The following INSR variants were observed in gnomAD, a reference collection of about 807,000 sequenced individuals.
INSR encodes the protein IR.
A neutral mutation model predicts 142.6 loss-of-function variants in INSR; 67 were observed. That is an observed-to-expected ratio of 0.47 (90% CI 0.39 to 0.58). INSR has a LOEUF of 0.58. Ranked by LOEUF, INSR falls within the 20% of genes least tolerant of loss-of-function variation. The probability of loss-of-function intolerance (pLI) is 0.00; values close to 1 mark genes in which losing one functional copy is unlikely to be tolerated. For synonymous variants in INSR, 756 were observed against 743.1 expected (o/e 1.02, Z -0.28); for missense variants, 1,248 against 1,833.2 (o/e 0.68, Z 5.83).
At chr19:7,204,222 A>T (rs1975042251) in intron 2 of INSR, among the ~76,000 whole-genome samples, 1 of 150,300 alleles carries the variant, frequency 6.7e-6, no homozygotes, top group African/African-American at 2.5e-5. Flanking sequence ...TTTTTTTTTA[A>T]TTTTTTATTT....
At position 7,258,257 on chromosome 19, in the gene INSR, A is replaced by G. The variant is rs185339721; in HGVS notation, c.652+9088T>C. Among the ~76,000 whole-genome samples, 692 of 152,264 alleles carry G rather than the reference A, an allele frequency of 4.5e-3. 5 individuals carry two copies. The highest frequency in any genetic ancestry group is 0.016 in the African/African-American group (669 of 41,550). On this transcript the variant is annotated intron_variant, in intron 2 of 21. Transcript: ENST00000302850. ...TGAGACCAGCCTGGGCAACATAGCA[A>G]GACCCCATCTCTACTAAAAAAATAA...
At chr19:7,245,653 C>T (rs1460514430) in intron 2 of INSR, among the ~76,000 whole-genome samples, 3 of 151,994 alleles carry the variant, frequency 2.0e-5, no homozygotes, top group Non-Finnish European at 4.4e-5. Flanking sequence ...ACTGTGTTGG[C>T]CAGGCTGGTC....
chr19:7,197,442 G>A (rs1423269837), intron 2 of INSR, among the ~76,000 whole-genome samples: 29 of 152,306 alleles, frequency 1.9e-4, no homozygotes, highest in Admixed American at 1.9e-3. Context: ...GCAGAGGCCC[G>A]GAAGGAGGCG....
chr19:7,204,847 G>A (rs1014008032), intron 2 of INSR, among the ~76,000 whole-genome samples: 4 of 152,226 alleles, frequency 2.6e-5, no homozygotes, highest in Non-Finnish European at 5.9e-5. Context: ...TTGGGAGGCC[G>A]AGGCGGGCAG....
In INSR at chr19:7,138,025, G is replaced by A. The variant is rs1166610946; in HGVS notation, c.2682+3652C>T. ...GTCGCCCAGGCTGGAGTGCAGTGGC[G>A]TGATCTCGGCTCACTGCAAGCTCCA... On this transcript the variant is annotated intron_variant, in intron 13 of 21. Coordinates refer to ENST00000302850, the MANE Select transcript of INSR (RefSeq NM_000208.4). Among the ~76,000 whole-genome samples the A allele has an allele frequency of 4.1e-5, 6 of 146,828 alleles. 1 individual carries two copies. The South Asian group carries it at 6.5e-4, about 16-fold the overall frequency.
intron 4 of INSR, among the ~76,000 whole-genome samples, chr19:7,173,528 G>C (rs1974065757): frequency 6.7e-6 from 1 of 150,344 alleles, no homozygotes; most frequent in African/African-American, 2.5e-5. Flanking sequence ...CATGTTGGCT[G>C]GTCTCAAACT....
At position 7,172,379 on chromosome 19, in the gene INSR, C is replaced by G. The variant is rs140573575; in HGVS notation, c.1179G>C (p.Gly393=). The change falls in exon 5 of 22, where the codon GGG becomes GGC. Residue 393 remains glycine, a synonymous_variant. Transcript: ENST00000302850. ...ANLGLIEEIS[G]YLKIRRSYAL... ...CGTAGGATCGGCGGATTTTTAGATACCCTGAAATTTCTTCAATGAGGCCGA... is the reference window on the plus strand; with the variant it reads ...CGTAGGATCGGCGGATTTTTAGATAGCCTGAAATTTCTTCAATGAGGCCGA... 70 of 1,614,076 alleles carry G rather than the reference C, an allele frequency of 4.3e-5. No homozygotes were observed. The highest frequency in any genetic ancestry group is 5.9e-5 in the Non-Finnish European group (70 of 1,179,980).
At chr19:7,174,387 C>T (rs1206662954) in intron 4 of INSR, among the ~76,000 whole-genome samples, 196 bp downstream of exon 4, 2 of 152,054 alleles carry the variant, frequency 1.3e-5, no homozygotes, top group Non-Finnish European at 2.9e-5. Context: ...TTAGTAAGGC[C>T]AAGACTGAGC....
chr19:7,232,601 G>A (rs1976015585), intron 2 of INSR, among the ~76,000 whole-genome samples: 1 of 152,128 alleles, frequency 6.6e-6, no homozygotes, highest in Non-Finnish European at 1.5e-5. Flanking sequence ...ACGAGGTCAG[G>A]AGATCGAGAC....
At chr19:7,233,505 C>A (rs1026176907) in intron 2 of INSR, among the ~76,000 whole-genome samples, 3 of 151,990 alleles carry the variant, frequency 2.0e-5, no homozygotes, top group African/African-American at 7.3e-5. Flanking sequence ...AGCCCTGACC[C>A]CGAGTGCTGG....
intron 1 of INSR, among the ~76,000 whole-genome samples, chr19:7,277,598 G>C (rs981165059): frequency 3.9e-5 from 6 of 152,082 alleles, no homozygotes; most frequent in Non-Finnish European, 8.8e-5. Flanking sequence ...GGGAGTTCAA[G>C]ACCAGCCTGG....
chr19:7,250,462 A>G (rs566996968), intron 2 of INSR, among the ~76,000 whole-genome samples: 27 of 88,438 alleles, frequency 3.1e-4, no homozygotes, highest in East Asian at 1.5e-3. Context: ...GAAAAGGAAG[A>G]AAAGAAAGAA....
chr19:7,127,693 G>C (rs1282106091), intron 15 of INSR, among the ~76,000 whole-genome samples: 1 of 152,116 alleles, frequency 6.6e-6, no homozygotes, highest in Non-Finnish European at 1.5e-5. Context: ...GACTGGATTT[G>C]TTGTTCTGTT....
chr19:7,197,563 AGTGTGTGTGTTTGGGTGTGTGTGTGT>A (rs1974796988), intron 2 of INSR, among the ~76,000 whole-genome samples: 1 of 55,900 alleles, frequency 1.8e-5, no homozygotes, highest in Non-Finnish European at 3.4e-5. Flanking sequence ...CCAGAGTGGG[AGTGTGTGTGTTTGGGTGTGTGTGTGT>A]GTGTGTGTGT....
At chr19:7,231,289 T>G (rs892013036) in intron 2 of INSR, among the ~76,000 whole-genome samples, 3 of 26,418 alleles carry the variant, frequency 1.1e-4, no homozygotes, top group South Asian at 1.9e-3. Flanking sequence ...TTTGGTGGTG[T>G]TTTTTGTTTT....
intron 2 of INSR, among the ~76,000 whole-genome samples, chr19:7,254,014 G>A (rs1488124210): frequency 1.5e-5 from 2 of 133,078 alleles, no homozygotes; most frequent in African/African-American, 6.1e-5. Context: ...GGGTGACAGA[G>A]CGAAACTCCA....
At chr19:7,220,787 T>G (rs1348436241) in intron 2 of INSR, among the ~76,000 whole-genome samples, 1 of 152,238 alleles carries the variant, frequency 6.6e-6, no homozygotes, top group Admixed American at 6.5e-5. Flanking sequence ...TCCTATATTT[T>G]AAATTTTACT....
chr19:7,166,129 A>G lies in INSR; in HGVS notation c.1861+25T>C, dbSNP rs775777370. On this transcript the variant is annotated intron_variant, in intron 8 of 21. Transcript: ENST00000302850. This position sits in a 1 kb window ranked among gnomAD's most constrained non-coding sequence, Gnocchi z 4.1. ...AGCAAGAGGTCTGATTCACATACGA[A>G]TTCACATTCCCAAGACACACTCACT... 2.9e-5 allele frequency: 46 copies of G among 1,613,794 alleles called. No individual in the cohort carries two copies. The highest frequency in any genetic ancestry group is 3.8e-5 in the Non-Finnish European group (45 of 1,179,952).
At position 7,150,851 on chromosome 19, in the gene INSR, C is replaced by A. The variant is rs1001868294; in HGVS notation, c.2232-319G>T. Among the ~76,000 whole-genome samples, 1 of 152,146 alleles carries A rather than the reference C, an allele frequency of 6.6e-6. No individual in the cohort carries two copies. Among genetic ancestry groups the A allele is most frequent in the East Asian group, 1.9e-4 (1 of 5,174 alleles). On this transcript the variant is annotated intron_variant, in intron 10 of 21. Coordinates refer to ENST00000302850, the MANE Select transcript of INSR (RefSeq NM_000208.4). This position sits in a 1 kb window ranked among gnomAD's most constrained non-coding sequence, Gnocchi z 4.2. The stretch of plus-strand genomic sequence containing the variant: ...CTTCTCCAAGTCTGGCAGAATTTTT[C>A]TTTTCTTTCCCTTCTTTCTTCTTTC...
Sources: gnomAD v4.1 joint callset for allele counts (sites outside exome capture counted in the v4.1 genomes callset) on GRCh38, gnomAD v4.1.1 for gene constraint, Gnocchi (gnomAD v3.1) non-coding constraint, MANE v1.5 for transcripts, NCBI Gene and HGNC (gene_info 2026-07-23, HGNC 2026-07-21) for gene names.